Variants in RBPMS observed in about 807,000 individuals in gnomAD.
RBPMS encodes the protein RNA-binding protein with multiple splicing.
In RBPMS, 7 loss-of-function variants were observed where a neutral mutation model predicts 26.8. The ratio of observed to expected loss-of-function variants is 0.26; its 90% confidence interval spans 0.15 to 0.49. The LOEUF is 0.49. Among genes scored for constraint, RBPMS ranks in the 20% least tolerant of loss-of-function variants. The pLI is 0.98. For missense variants in RBPMS, 186 were observed against 250.0 expected (o/e 0.74, Z 1.73); for synonymous variants, 96 against 93.3 (o/e 1.03, Z -0.17).
chr8:30,490,904 A>G (rs936912632), intron 4 of RBPMS, among the ~76,000 whole-genome samples: 5 of 152,220 alleles, frequency 3.3e-5, no homozygotes, highest in African/African-American at 1.2e-4. Context: ...CCTGTGCAGC[A>G]CAGGAAGTAC....
chr8:30,559,904 G>C (rs1365582257), intron 7 of RBPMS, among the ~76,000 whole-genome samples: 1 of 152,120 alleles, frequency 6.6e-6, no homozygotes, highest in African/African-American at 2.4e-5. Context: ...AACTAAACTA[G>C]TGTTCTTTTC....
At chr8:30,506,509 CTG>C (rs1262151563) in intron 5 of RBPMS, among the ~76,000 whole-genome samples, 1 of 152,126 alleles carries the variant, frequency 6.6e-6, no homozygotes, top group Non-Finnish European at 1.5e-5. Flanking sequence ...CCTCTGGGAA[CTG>C]GGAACTTGAC....
intron 3 of RBPMS, among the ~76,000 whole-genome samples, chr8:30,479,091 C>T (rs1353022666): frequency 1.3e-5 from 2 of 152,130 alleles, no homozygotes; most frequent in Admixed American, 1.3e-4. Flanking sequence ...TTCTCTAAAT[C>T]CCCAGCTGTG....
chr8:30,454,210 C>A (rs1454871006), intron 1 of RBPMS, among the ~76,000 whole-genome samples: 2 of 152,176 alleles, frequency 1.3e-5, no homozygotes, highest in African/African-American at 2.4e-5. Flanking sequence ...TAGCTAAATA[C>A]TGCATGATAT....
At chr8:30,552,694 A>G (rs1019552569) in intron 6 of RBPMS, 3 of 152,240 alleles carry the variant, frequency 2.0e-5, no homozygotes, top group African/African-American at 4.8e-5. Context: ...TGGCATCTCA[A>G]GTGAACTTCT....
chr8:30,558,153 C>T (rs1472743526), intron 6 of RBPMS: 1 of 152,292 alleles, frequency 6.6e-6, no homozygotes, highest in Non-Finnish European at 1.5e-5. Flanking sequence ...CGTGAGCCAC[C>T]ACACCCATTT....
intron 1 of RBPMS, among the ~76,000 whole-genome samples, chr8:30,460,363 T>C: frequency 6.6e-6 from 1 of 152,226 alleles, no homozygotes; most frequent in Non-Finnish European, 1.5e-5. Flanking sequence ...TAAAAACTTG[T>C]ATTTCAGCCA....
intron 1 of RBPMS, among the ~76,000 whole-genome samples, chr8:30,386,007 T>C (rs1277484091): frequency 6.6e-6 from 1 of 152,202 alleles, no homozygotes; most frequent in Non-Finnish European, 1.5e-5. Context: ...AATGACTCTT[T>C]TTGCAGGTAC....
intron 4 of RBPMS, among the ~76,000 whole-genome samples, chr8:30,503,028 G>A (rs1326015003): frequency 3.9e-5 from 1 of 25,486 alleles, no homozygotes; most frequent in African/African-American, 1.6e-4. Flanking sequence ...CAGAATGAGT[G>A]AGTCATGCTC....
chr8:30,445,283 G>A (rs2915599), intron 1 of RBPMS: 51,104 of 151,956 alleles, frequency 0.34, 9,249 homozygotes, highest in African/African-American at 0.46. Context: ...AGAATAATGT[G>A]TGCTTTTCAA....
At chr8:30,419,996 G>A (rs1330345443) in intron 1 of RBPMS, among the ~76,000 whole-genome samples, 2 of 152,120 alleles carry the variant, frequency 1.3e-5, no homozygotes, top group African/African-American at 4.8e-5. Flanking sequence ...AGGACGACAT[G>A]CATGGATTGC....
intron 5 of RBPMS, among the ~76,000 whole-genome samples, chr8:30,533,832 C>G (rs1183603114): frequency 6.6e-6 from 1 of 152,088 alleles, no homozygotes; most frequent in Non-Finnish European, 1.5e-5. Flanking sequence ...TATTTCAAGT[C>G]TATAAAAATT....
At chr8:30,447,518 A>G (rs762018305) in intron 1 of RBPMS, among the ~76,000 whole-genome samples, 6 of 152,338 alleles carry the variant, frequency 3.9e-5, no homozygotes, top group Non-Finnish European at 7.4e-5. Flanking sequence ...GGTTCTATAA[A>G]TCACCAGTCT....
At chr8:30,415,610 G>A (rs1180860962) in intron 1 of RBPMS, among the ~76,000 whole-genome samples, 2 of 152,144 alleles carry the variant, frequency 1.3e-5, no homozygotes, top group South Asian at 4.1e-4. Flanking sequence ...TTCTGGGAGG[G>A]TGCTTCAGGA....
At chr8:30,563,596 T>C (rs1220902420) in intron 7 of RBPMS, among the ~76,000 whole-genome samples, 1 of 152,160 alleles carries the variant, frequency 6.6e-6, no homozygotes, top group African/African-American at 2.4e-5. Context: ...AGTTACAGCC[T>C]CCCCAGATTG....
At chr8:30,428,455 CA>C (rs773508836) in intron 1 of RBPMS, among the ~76,000 whole-genome samples, 1,597 of 143,176 alleles carry the variant, frequency 0.011, 9 homozygotes, top group Non-Finnish European at 0.016. Flanking sequence ...GACGCTGTCT[CA>C]AAAAAAAAAA....
At chr8:30,564,594 AG>A (rs1827752095) in intron 7 of RBPMS, 1 of 152,536 alleles carries the variant, frequency 6.6e-6, no homozygotes, top group Non-Finnish European at 1.5e-5. Flanking sequence ...AACCAAATGC[AG>A]TGAAAACTGC....
chr8:30,408,878 A>C lies in RBPMS; in HGVS notation c.66+23720A>C, dbSNP rs1428542270. Among the ~76,000 whole-genome samples the C allele has an allele frequency of 2.0e-5, 3 of 152,102 alleles. No homozygotes were observed. The East Asian group carries it at 5.8e-4, about 29-fold the overall frequency. On this transcript the variant is annotated intron_variant, in intron 1 of 8. Coordinates refer to ENST00000397323, the MANE Select transcript of RBPMS (RefSeq NM_001008710.3). The stretch of plus-strand genomic sequence containing the variant: ...ACCATTTCCTCCTCTCCCTAACCCA[A>C]AGCAACTGCTGATCTGCTTTTTTTC...
At chr8:30,563,593 G>T (rs755053122) in intron 7 of RBPMS, among the ~76,000 whole-genome samples, 1 of 152,202 alleles carries the variant, frequency 6.6e-6, no homozygotes, top group Non-Finnish European at 1.5e-5. Context: ...TGTAGTTACA[G>T]CCTCCCCAGA....
Sources: gnomAD v4.1 joint callset for allele counts (sites outside exome capture counted in the v4.1 genomes callset) on GRCh38, gnomAD v4.1.1 for gene constraint, MANE v1.5 for transcripts, NCBI Gene and HGNC (gene_info 2026-07-23, HGNC 2026-07-21) for gene names.